The following ZNF496 variants were observed in gnomAD, a reference collection of about 807,000 sequenced individuals.
The protein encoded by ZNF496 is zinc finger protein 496.
In ZNF496, 11 loss-of-function variants were observed where a neutral mutation model predicts 58.9. That is an observed-to-expected ratio of 0.19 (90% CI 0.12 to 0.31). ZNF496 has a LOEUF of 0.31. Ranked by LOEUF, ZNF496 falls within the 10% of genes least tolerant of loss-of-function variation. ZNF496 has a pLI of 1.00. For missense variants in ZNF496, 660 were observed against 783.0 expected (o/e 0.84, Z 1.88); for synonymous variants, 338 against 318.2 (o/e 1.06, Z -0.66).
At chr1:247,319,650 C>T (rs186323309) in intron 6 of ZNF496, among the ~76,000 whole-genome samples, 6 of 152,290 alleles carry the variant, frequency 3.9e-5, no homozygotes, top group African/African-American at 1.2e-4. Flanking sequence ...AGGCCGGGTG[C>T]AGTGGCTCAC....
At chr1:247,310,079 A>G in intron 7 of ZNF496, 1 of 1,429,788 alleles carries the variant, frequency 7.0e-7, no homozygotes, top group Non-Finnish European at 9.1e-7. Context: ...ATGGACATAC[A>G]GCACATGTTC....
rs562900765 is a variant in ZNF496, at chr1:247,307,781, C to T, written c.1006+694G>A. 2.2e-5 allele frequency: 22 copies of T among 985,334 alleles called. No homozygotes were observed. In the African/African-American group the frequency reaches 2.3e-4, roughly 10 times the overall value. The allele number at this position is 985,334 out of a possible 1,614,324, so 61.0% of individuals were successfully genotyped here. A position where few individuals can be genotyped will look rare whatever the true frequency, so the allele number is the denominator to read the frequency against. ...ATAGCTGCAGAAAACTACAATGACA[C>T]GTGGGTTCAGGTAAGAATCAGAGGC... is the stretch of plus-strand genomic sequence containing the variant. On this transcript the variant is annotated intron_variant, in intron 9 of 9. Transcript: ENST00000682384.
chr1:247,299,655 G>A lies in ZNF496; in HGVS notation c.*864C>T, dbSNP rs1659170948. 1 of 152,268 alleles carries A rather than the reference G, an allele frequency of 6.6e-6. No individual in the cohort carries two copies. The highest frequency in any genetic ancestry group is 1.5e-5 in the Non-Finnish European group (1 of 68,066). The allele number at this position is 152,268 out of a possible 1,614,324, so 9.4% of individuals were successfully genotyped here. ...CATTCCTAGACAGGACAGATTGGAA[G>A]AAGGGACTTAAGTGCCTTTTAAACG... On this transcript the variant is annotated 3_prime_UTR_variant, in exon 10 of 10. Transcript: ENST00000682384.
intron 6 of ZNF496, among the ~76,000 whole-genome samples, chr1:247,320,763 A>G (rs4925534): frequency 0.56 from 85,612 of 152,142 alleles, 24,539 homozygotes; most frequent in Middle Eastern, 0.78. Flanking sequence ...TACCATGTTC[A>G]TAGCAGCATT....
At chr1:247,304,986 C>T (rs970186174) in intron 9 of ZNF496, among the ~76,000 whole-genome samples, 5 of 152,112 alleles carry the variant, frequency 3.3e-5, no homozygotes, top group African/African-American at 1.2e-4. Context: ...GTGGGAAAGA[C>T]ATGAATTTTG....
intron 6 of ZNF496, among the ~76,000 whole-genome samples, chr1:247,322,544 G>A (rs1310555196): frequency 6.6e-6 from 1 of 152,128 alleles, no homozygotes; most frequent in African/African-American, 2.4e-5. Context: ...CAGAAAACAT[G>A]GCCAAAGACA....
intron 5 of ZNF496, among the ~76,000 whole-genome samples, chr1:247,325,752 CCT>C (rs927064183): frequency 3.9e-5 from 6 of 152,100 alleles, no homozygotes; most frequent in Non-Finnish European, 8.8e-5. Context: ...GCTTCAGCCC[CCT>C]GAGTAGCTGG....
chr1:247,300,681 G>A lies in ZNF496; in HGVS notation c.1602C>T (p.His534=), dbSNP rs552879014. ...CCECGKAFQR[H]DHLARHRSHF... Reference sequence around the variant, plus strand: ...GGCTGCGGTGCCGAGCCAGGTGGTCGTGCCGCTGGAAGGCCTTCCCACACT... The same window carrying A: ...GGCTGCGGTGCCGAGCCAGGTGGTCATGCCGCTGGAAGGCCTTCCCACACT... Residue 534 remains histidine, a synonymous_variant, in exon 10 of 10, where the codon CAC becomes CAT. Transcript: ENST00000682384. This position sits in a 1 kb window ranked among gnomAD's most constrained non-coding sequence, Gnocchi z 5.7. 4 of 1,614,056 alleles carry A rather than the reference G, an allele frequency of 2.5e-6. No homozygotes were observed. Among genetic ancestry groups the A allele is most frequent in the Non-Finnish European group, 3.4e-6 (4 of 1,180,030 alleles).
chr1:247,308,433 G>A lies in ZNF496; in HGVS notation c.1006+42C>T, dbSNP rs983834986. The stretch of plus-strand genomic sequence containing the variant: ...ACATACATTCATGCGACACACCACA[G>A]ACACACAGGGACAAACCCATACCTC... On this transcript the variant is annotated intron_variant, in intron 9 of 9. Coordinates refer to ENST00000682384, the MANE Select transcript of ZNF496 (RefSeq NM_032752.3). The surrounding 1 kb of genome is among the most constrained non-coding windows in gnomAD (Gnocchi z 4.5). 6.4e-7 allele frequency: 1 copy of A among 1,566,100 alleles called. No individual in the cohort carries two copies. The highest frequency in any genetic ancestry group is 8.8e-7 in the Non-Finnish European group (1 of 1,136,890).
chr1:247,317,536 AG>A (rs1389614925), intron 6 of ZNF496, among the ~76,000 whole-genome samples: 1 of 151,598 alleles, frequency 6.6e-6, no homozygotes, highest in African/African-American at 2.4e-5. Flanking sequence ...CCAAATGCGG[AG>A]CTGGGACCTC....
intron 6 of ZNF496, among the ~76,000 whole-genome samples, chr1:247,322,347 C>T (rs751567605): frequency 2.0e-5 from 3 of 152,136 alleles, no homozygotes; most frequent in Non-Finnish European, 2.9e-5. Flanking sequence ...GCTCAGCTTC[C>T]GACATTCTGC....
intron 6 of ZNF496, chr1:247,313,378 C>T (rs1438794156): frequency 6.6e-6 from 1 of 152,252 alleles, no homozygotes; most frequent in East Asian, 1.9e-4. Flanking sequence ...ACCCCAGGTC[C>T]AGGCGCCAGT....
chr1:247,304,861 T>C lies in ZNF496; in HGVS notation c.1007-3585A>G, dbSNP rs115378603. Reference sequence around the variant, plus strand: ...CTCAGGATGAATCATACTTCAAGTCTAACCCATACCTGATTTGAGATGTTG... The same window carrying C: ...CTCAGGATGAATCATACTTCAAGTCCAACCCATACCTGATTTGAGATGTTG... On this transcript the variant is annotated intron_variant, in intron 9 of 9. Coordinates refer to ENST00000682384, the MANE Select transcript of ZNF496 (RefSeq NM_032752.3). Among the ~76,000 whole-genome samples the C allele has an allele frequency of 8.0e-3, 866 of 107,754 alleles. 10 individuals are homozygous for C. The highest frequency in any genetic ancestry group is 0.023 in the African/African-American group (814 of 35,542). 70.7% of individuals were successfully genotyped at this position (107,754 alleles called of 152,430 possible). A position where few individuals can be genotyped will look rare whatever the true frequency, so the allele number is the denominator to read the frequency against.
chr1:247,318,425 C>G (rs1659853971), intron 6 of ZNF496, among the ~76,000 whole-genome samples: 1 of 152,118 alleles, frequency 6.6e-6, no homozygotes, highest in African/African-American at 2.4e-5. Flanking sequence ...AAATCCATAA[C>G]AAGACACAGC....
At chr1:247,304,074 T>C (rs1659329725) in intron 9 of ZNF496, 1 of 437,174 alleles carries the variant, frequency 2.3e-6, no homozygotes, top group South Asian at 1.6e-5. Flanking sequence ...GGAAAAGAGA[T>C]GGGATGAAAT....
intron 6 of ZNF496, among the ~76,000 whole-genome samples, chr1:247,317,399 C>T (rs933556368): frequency 4.6e-5 from 7 of 152,158 alleles, no homozygotes; most frequent in African/African-American, 1.7e-4. Context: ...CCACTTAATA[C>T]CACATAAGAA....
At chr1:247,320,223 C>T (rs1316772373) in intron 6 of ZNF496, among the ~76,000 whole-genome samples, 1 of 152,136 alleles carries the variant, frequency 6.6e-6, no homozygotes, top group African/African-American at 2.4e-5. Context: ...CCCAAAACAA[C>T]CCGGATAGTC....
In ZNF496 at chr1:247,300,834, C is replaced by G. The variant is rs1359244587; in HGVS notation, c.1449G>C (p.Arg483=). The G allele has an allele frequency of 1.2e-6, 2 of 1,609,396 alleles. No homozygotes were observed. The highest frequency in any genetic ancestry group is 1.7e-6 in the Non-Finnish European group (2 of 1,177,150). ...RLNSHLLSHR[R]IHLQPDRLQP... ...GGAGTCTGTCCGGCTGCAGGTGTAT[C>G]CGCCGGTGGGAGAGCAGGTGGGAGT... is the stretch of plus-strand genomic sequence containing the variant. Residue 483 remains arginine, a synonymous_variant, in exon 10 of 10, where the codon CGG becomes CGC. Transcript: ENST00000682384. The surrounding 1 kb of genome is among the most constrained non-coding windows in gnomAD (Gnocchi z 5.7).
At chr1:247,323,252 T>C (rs898380712) in intron 5 of ZNF496, 22 bp from the exon 6 acceptor site, 2 of 1,605,030 alleles carry the variant, frequency 1.2e-6, no homozygotes, top group Non-Finnish European at 1.7e-6. Context: ...CAGAAAATGG[T>C]GTCCTAAAGT....
Sources: allele counts gnomAD v4.1 joint callset (sites outside exome capture counted in the v4.1 genomes callset), GRCh38; gene constraint gnomAD v4.1.1; non-coding constraint Gnocchi (gnomAD v3.1); transcripts MANE v1.5; gene names NCBI Gene and HGNC (gene_info 2026-07-23, HGNC 2026-07-21).